The following GLIS3 variants were observed in gnomAD, a reference collection of about 807,000 sequenced individuals.
GLIS3 encodes the protein GLIS family zinc finger 3.
Under a neutral mutation model 78.6 loss-of-function variants are expected in GLIS3, and 53 were observed. The observed-to-expected ratio is 0.67, with a 90% CI of 0.54 to 0.85. The LOEUF (loss-of-function observed/expected upper bound fraction) is 0.85, where lower values mean the gene tolerates loss of function less well. Among genes scored for constraint, GLIS3 ranks in the 40% least tolerant of loss-of-function variants. GLIS3 has a pLI of 0.00. For synonymous variants in GLIS3, 684 were observed against 509.9 expected (o/e 1.34, Z -4.60); for missense variants, 1,703 against 1,231.1 (o/e 1.38, Z -5.74).
chr9:4,286,303 C>A lies in GLIS3; in HGVS notation c.123G>T (p.Ser41=). 6.2e-7 allele frequency: 1 copy of A among 1,614,192 alleles called. No homozygotes were observed. The highest frequency in any genetic ancestry group is 1.3e-5 in the African/African-American group (1 of 75,060). ...IRAHSGTPGP[S]PCGSTSSPTM... ...TGGGACTCGATGTGCTGCCACAGGGCGAGGGGCCAGGAGTCCCGGAGTGGG... is the reference window on the plus strand; with the variant it reads ...TGGGACTCGATGTGCTGCCACAGGGAGAGGGGCCAGGAGTCCCGGAGTGGG... Residue 41 remains serine, a synonymous_variant, in exon 2 of 11, where the codon TCG becomes TCT. Transcript: ENST00000381971.
In GLIS3 at chr9:4,332,779, G is replaced by C. The variant is rs796780418; in HGVS notation, n.264+14302C>G. Among the ~76,000 whole-genome samples, 121 of 152,200 alleles carry C rather than the reference G, an allele frequency of 8.0e-4. 1 individual carries two copies. Among genetic ancestry groups the C allele is most frequent in the Middle Eastern group, 3.4e-3 (1 of 294 alleles). On this transcript the variant is annotated intron_variant and non_coding_transcript_variant, in intron 2 of 4. Coordinates refer to the GLIS3 transcript ENST00000471664. ...ATTAAATTTGATACAAATGTACATA[G>C]GTGTTCCTCTACACATCTATTCAGT...
intron 6 of GLIS3, among the ~76,000 whole-genome samples, chr9:3,919,164 C>A (rs187186903): frequency 1.3e-5 from 2 of 152,146 alleles, no homozygotes; most frequent in African/African-American, 4.8e-5. Context: ...AAATCTACCA[C>A]CATCTCTAAC....
intron 1 of GLIS3, among the ~76,000 whole-genome samples, chr9:4,288,545 C>T (rs1389799206): frequency 6.6e-6 from 1 of 151,906 alleles, no homozygotes; most frequent in Non-Finnish European, 1.5e-5. Flanking sequence ...ATCAAAAAAT[C>T]TGGATAAAAA....
chr9:4,033,886 A>AAAAAAC (rs1185830960), intron 4 of GLIS3, among the ~76,000 whole-genome samples: 28 of 149,714 alleles, frequency 1.9e-4, no homozygotes, highest in African/African-American at 7.0e-4. Context: ...AAAAAAAAAA[A>AAAAAAC]AAAACTAGAA....
the GLIS3 span, among the ~76,000 whole-genome samples, chr9:4,380,842 A>T: frequency 1.3e-5 from 2 of 152,346 alleles, no homozygotes; most frequent in South Asian, 4.1e-4. Context: ...ATAGAACGAG[A>T]AGAGAAGGAC....
At chr9:3,955,157 T>C (rs2130859135) in intron 4 of GLIS3, among the ~76,000 whole-genome samples, 1 of 152,212 alleles carries the variant, frequency 6.6e-6, no homozygotes, top group South Asian at 2.1e-4. Context: ...AGAGAGACGT[T>C]GCAAATGCAT....
intron 7 of GLIS3, among the ~76,000 whole-genome samples, chr9:3,893,993 G>T (rs1266519996): frequency 7.2e-5 from 11 of 152,178 alleles, no homozygotes; most frequent in Non-Finnish European, 5.9e-5. Context: ...TAACTCGGTG[G>T]ACCATCACAG....
At chr9:4,261,313 C>G (rs1825504471) in intron 2 of GLIS3, among the ~76,000 whole-genome samples, 2 of 151,946 alleles carry the variant, frequency 1.3e-5, no homozygotes, top group Non-Finnish European at 2.9e-5. Context: ...AGACGTGGGA[C>G]TTGATACTCT....
the GLIS3 span, among the ~76,000 whole-genome samples, chr9:4,471,409 T>C: frequency 1.3e-5 from 2 of 152,068 alleles, no homozygotes; most frequent in Admixed American, 6.5e-5. Context: ...AAAAGAGAGA[T>C]ATAGACCAAT....
At chr9:4,021,020 T>A (rs1401529043) in intron 4 of GLIS3, among the ~76,000 whole-genome samples, 1 of 152,216 alleles carries the variant, frequency 6.6e-6, no homozygotes, top group Non-Finnish European at 1.5e-5. Flanking sequence ...CAGGACTTGT[T>A]CAAGACTAAC....
chr9:4,102,376 C>A (rs1488405225), intron 4 of GLIS3, among the ~76,000 whole-genome samples: 1 of 152,158 alleles, frequency 6.6e-6, no homozygotes, highest in Non-Finnish European at 1.5e-5. Flanking sequence ...CAGGCACTGA[C>A]TGAAATCTCA....
At chr9:4,201,828 A>T (rs1343274068) in intron 2 of GLIS3, among the ~76,000 whole-genome samples, 1 of 152,200 alleles carries the variant, frequency 6.6e-6, no homozygotes, top group Non-Finnish European at 1.5e-5. Flanking sequence ...ACAGAACTAG[A>T]AAAAGCTATT....
At chr9:4,474,986 T>A in the GLIS3 span, among the ~76,000 whole-genome samples, 2 of 70,300 alleles carry the variant, frequency 2.8e-5, no homozygotes, top group Non-Finnish European at 6.0e-5. Flanking sequence ...ACTATGTTAA[T>A]TTTTTTTTCT....
chr9:4,127,720 C>T (rs970308286), intron 2 of GLIS3, among the ~76,000 whole-genome samples: 2 of 152,038 alleles, frequency 1.3e-5, no homozygotes, highest in African/African-American at 2.4e-5. Context: ...ATTCTTTCCC[C>T]AGGTCCCATT....
chr9:3,944,933 G>A (rs1563877534), intron 4 of GLIS3, among the ~76,000 whole-genome samples: 1 of 152,234 alleles, frequency 6.6e-6, no homozygotes. Context: ...TGTGAGAAAA[G>A]GGGGCAGAAC....
intron 4 of GLIS3, among the ~76,000 whole-genome samples, chr9:4,083,207 T>A (rs1290718416): frequency 6.6e-6 from 1 of 152,232 alleles, no homozygotes. Flanking sequence ...TGTTTATGTG[T>A]GTTTAATGAA....
At chr9:4,392,089 C>CT in the GLIS3 span, among the ~76,000 whole-genome samples, 2 of 152,104 alleles carry the variant, frequency 1.3e-5, no homozygotes, top group Non-Finnish European at 2.9e-5. Flanking sequence ...GAGATCATGT[C>CT]CTTTGCAGGG....
chr9:4,058,564 C>T (rs919218179), intron 4 of GLIS3, among the ~76,000 whole-genome samples: 5 of 152,036 alleles, frequency 3.3e-5, no homozygotes, highest in African/African-American at 4.8e-5. Context: ...TAAACCCTGC[C>T]TAATAATTCC....
At chr9:4,401,118 C>A in the GLIS3 span, among the ~76,000 whole-genome samples, 6 of 152,154 alleles carry the variant, frequency 3.9e-5, no homozygotes, top group Admixed American at 2.0e-4. Context: ...CTTGGGGTCC[C>A]TAAGTCCAGA....
Sources: allele counts gnomAD v4.1 joint callset (sites outside exome capture counted in the v4.1 genomes callset), GRCh38; gene constraint gnomAD v4.1.1; transcripts MANE v1.5; gene names NCBI Gene and HGNC (gene_info 2026-07-23, HGNC 2026-07-21).